Variants in LSAMP observed in about 807,000 individuals in gnomAD.
LSAMP encodes the protein limbic system associated membrane protein, also known as limbic system-associated membrane protein.
A neutral mutation model predicts 38.6 loss-of-function variants in LSAMP; 7 were observed. The observed-to-expected ratio is 0.18, with a 90% confidence interval of 0.10 to 0.34. The LOEUF (loss-of-function observed/expected upper bound fraction) is 0.34, where lower values mean the gene tolerates loss of function less well. LSAMP is among the 10% of genes least tolerant of loss of function. The pLI is 1.00. For synonymous variants in LSAMP, 154 were observed against 166.8 expected (o/e 0.92, Z 0.59); for missense variants, 313 against 420.0 (o/e 0.75, Z 2.23).
At chr3:115,903,829 C>T (rs1475271351) in intron 3 of LSAMP, among the ~76,000 whole-genome samples, 1 of 152,106 alleles carries the variant, frequency 6.6e-6, no homozygotes, top group Non-Finnish European at 1.5e-5. Flanking sequence ...TTAAGACACA[C>T]TTTGGTAAAC....
intron 1 of LSAMP, among the ~76,000 whole-genome samples, chr3:116,438,138 T>C (rs1029004945): frequency 2.0e-5 from 3 of 151,618 alleles, no homozygotes; most frequent in Admixed American, 6.6e-5. Flanking sequence ...CTTGTGACTT[T>C]AAAGGACTTG....
At chr3:115,850,395 A>G (rs951654070) in intron 4 of LSAMP, among the ~76,000 whole-genome samples, 3 of 152,198 alleles carry the variant, frequency 2.0e-5, no homozygotes, top group Admixed American at 1.3e-4. Flanking sequence ...ATTAAGAGAA[A>G]ATGAAACCTT....
At chr3:115,865,828 C>A (rs1418707853) in intron 3 of LSAMP, among the ~76,000 whole-genome samples, 1 of 152,144 alleles carries the variant, frequency 6.6e-6, no homozygotes, top group Admixed American at 6.6e-5. Flanking sequence ...GTTAGGTTAA[C>A]CCCAGACACA....
chr3:116,387,344 A>G (rs1206366649), intron 1 of LSAMP, among the ~76,000 whole-genome samples: 4 of 152,294 alleles, frequency 2.6e-5, no homozygotes, highest in Non-Finnish European at 5.9e-5. Flanking sequence ...AGGAATCACT[A>G]CAATTAGAAC....
intron 2 of LSAMP, among the ~76,000 whole-genome samples, chr3:116,028,930 T>C (rs993148655): frequency 6.6e-6 from 1 of 152,166 alleles, no homozygotes; most frequent in Admixed American, 6.6e-5. Context: ...AGCCATTTAA[T>C]AGATGTCTAG....
At chr3:116,359,468 C>G (rs183961042) in intron 1 of LSAMP, among the ~76,000 whole-genome samples, 21 of 152,302 alleles carry the variant, frequency 1.4e-4, no homozygotes, top group Admixed American at 1.4e-3. Context: ...GTAGCTGGTT[C>G]CAATGTGTAA....
At chr3:116,265,729 A>C (rs1038389051) in intron 1 of LSAMP, among the ~76,000 whole-genome samples, 19 of 152,206 alleles carry the variant, frequency 1.2e-4, no homozygotes, top group African/African-American at 4.6e-4. Context: ...TTGGGACTCA[A>C]ATACAGGCTT....
intron 2 of LSAMP, among the ~76,000 whole-genome samples, chr3:116,076,142 A>G (rs1215494011): frequency 6.6e-6 from 1 of 152,240 alleles, no homozygotes; most frequent in African/African-American, 2.4e-5. Flanking sequence ...TGACATGACC[A>G]TATGTGGTAG....
intron 1 of LSAMP, among the ~76,000 whole-genome samples, chr3:116,347,183 A>G (rs899908102): frequency 1.3e-5 from 2 of 152,192 alleles, no homozygotes; most frequent in Non-Finnish European, 2.9e-5. Flanking sequence ...AATAAAACCA[A>G]AGTCATAATA....
chr3:116,275,428 G>T (rs1001184006), intron 1 of LSAMP, among the ~76,000 whole-genome samples: 3 of 151,964 alleles, frequency 2.0e-5, no homozygotes, highest in African/African-American at 7.3e-5. Context: ...AAGCAACCTT[G>T]GTCATTTTTA....
intron 6 of LSAMP, chr3:115,816,621 C>T: frequency 1.6e-6 from 2 of 1,286,506 alleles, no homozygotes; most frequent in Non-Finnish European, 2.0e-6. Flanking sequence ...TACCTTTTTG[C>T]TTGAAGTGCA....
intron 1 of LSAMP, among the ~76,000 whole-genome samples, chr3:116,230,070 G>C (rs928981168): frequency 1.3e-5 from 2 of 152,144 alleles, no homozygotes; most frequent in African/African-American, 4.8e-5. Flanking sequence ...TGTTGAGGCA[G>C]AAACAGGGGT....
At chr3:116,198,392 T>C (rs1220335411) in intron 1 of LSAMP, among the ~76,000 whole-genome samples, 1 of 152,246 alleles carries the variant, frequency 6.6e-6, no homozygotes, top group South Asian at 2.1e-4. Context: ...TATTATGAAC[T>C]GAGATTGAGT....
chr3:115,903,644 T>C (rs1004035100), intron 3 of LSAMP, among the ~76,000 whole-genome samples: 6 of 152,178 alleles, frequency 3.9e-5, no homozygotes, highest in Non-Finnish European at 7.4e-5. Flanking sequence ...TTTTCCTGTA[T>C]AAATTTTACC....
intron 4 of LSAMP, among the ~76,000 whole-genome samples, chr3:115,849,377 T>G (rs1935259508): frequency 6.6e-6 from 1 of 152,222 alleles, no homozygotes; most frequent in Non-Finnish European, 1.5e-5. Context: ...GTCTCTCTTC[T>G]TTACTGCTCT....
intron 1 of LSAMP, among the ~76,000 whole-genome samples, chr3:116,237,126 T>C (rs1289829488): frequency 1.3e-5 from 2 of 152,120 alleles, no homozygotes; most frequent in Admixed American, 6.6e-5. Flanking sequence ...AGTTGGAATA[T>C]AAGGCCATGT....
chr3:116,020,947 C>T (rs948277996), intron 2 of LSAMP, among the ~76,000 whole-genome samples: 5 of 152,094 alleles, frequency 3.3e-5, no homozygotes, highest in African/African-American at 1.2e-4. Flanking sequence ...AAAACAGGAA[C>T]ATTTTCTGCT....
chr3:116,164,762 T>TA lies in LSAMP; in HGVS notation c.156-78207_156-78206insT, dbSNP rs71999509. On this transcript the variant is annotated intron_variant, in intron 1 of 6. Coordinates refer to ENST00000490035, the MANE Select transcript of LSAMP (RefSeq NM_002338.5). The stretch of plus-strand genomic sequence containing the variant: ...TATATCCATATATATATATATATAT[T>TA]TTTTTTTTTTTTCAAGTAGCATCTA... Among the ~76,000 whole-genome samples the TA allele has an allele frequency of 5.4e-3, 196 of 36,162 alleles. 13 individuals carry two copies. The highest frequency in any genetic ancestry group is 0.016 in the African/African-American group (144 of 9,120). The allele number at this position is 36,162 out of a possible 152,430, so 23.7% of individuals were successfully genotyped here. A position where few individuals can be genotyped will look rare whatever the true frequency, so the allele number is the denominator to read the frequency against.
At chr3:115,842,695 A>T in intron 4 of LSAMP, 117 bp from the exon 5 acceptor site, 2 of 1,317,966 alleles carry the variant, frequency 1.5e-6, no homozygotes, top group Non-Finnish European at 2.1e-6. Context: ...GAGCCATCTT[A>T]AAGCTCCATT....
Sources: gnomAD v4.1 joint callset for allele counts (sites outside exome capture counted in the v4.1 genomes callset) on GRCh38, gnomAD v4.1.1 for gene constraint, MANE v1.5 for transcripts, NCBI Gene and HGNC (gene_info 2026-07-23, HGNC 2026-07-21) for gene names.